GDPD4: variants seen among roughly 807,000 people sequenced by gnomAD.
GDPD4 encodes glycerophosphodiester phosphodiesterase domain containing 4, also known as glycerophosphodiester phosphodiesterase 6.
A neutral mutation model predicts 67.8 loss-of-function variants in GDPD4; 60 were observed. The ratio of observed to expected loss-of-function variants is 0.88; its 90% CI spans 0.72 to 1.10. The LOEUF is 1.10. Ranked by LOEUF, GDPD4 falls within the 50% of genes least tolerant of loss-of-function variation. The pLI is 0.00. For synonymous variants in GDPD4, 212 were observed against 210.9 expected (o/e 1.00, Z -0.04); for missense variants, 623 against 613.9 (o/e 1.01, Z -0.16).
chr11:77,278,898 G>C (rs902940727), intron 4 of GDPD4, among the ~76,000 whole-genome samples: 5 of 152,200 alleles, frequency 3.3e-5, no homozygotes, highest in Non-Finnish European at 5.9e-5. Context: ...AATTTAACAA[G>C]TAAGCAAATT....
rs1432150160 is a variant in GDPD4, at chr11:77,279,418, C to G, written c.54-19G>C. The stretch of plus-strand genomic sequence containing the variant: ...AGTGACCCTGAAAAAAAATGTGTTT[C>G]AGTTCTTAAAATAATGCAGAAATCA... On this transcript the variant is annotated intron_variant, in intron 3 of 16. Coordinates refer to ENST00000315938, the MANE Select transcript of GDPD4 (RefSeq NM_182833.3). 1 of 1,491,798 alleles carries G rather than the reference C, an allele frequency of 6.7e-7. No individual in the cohort carries two copies. Among genetic ancestry groups the G allele is most frequent in the Non-Finnish European group, 9.4e-7 (1 of 1,069,258 alleles). 92.4% of individuals were successfully genotyped at this position (1,491,798 alleles called of 1,614,324 possible). A position where few individuals can be genotyped will look rare whatever the true frequency, so the allele number is the denominator to read the frequency against.
intron 1 of GDPD4, among the ~76,000 whole-genome samples, chr11:77,299,851 G>A (rs1307132237): frequency 6.6e-6 from 1 of 152,158 alleles, no homozygotes; most frequent in Non-Finnish European, 1.5e-5. Flanking sequence ...TGTAACTAAG[G>A]GAAGGGTGAA....
At chr11:77,235,773 G>C (rs560958754) in intron 13 of GDPD4, among the ~76,000 whole-genome samples, 26 of 152,256 alleles carry the variant, frequency 1.7e-4, no homozygotes, top group African/African-American at 6.3e-4. Context: ...TGGCAACACA[G>C]TGAGACCCTG....
chr11:77,242,879 T>A (rs370679474), intron 13 of GDPD4, among the ~76,000 whole-genome samples: 1 of 152,094 alleles, frequency 6.6e-6, no homozygotes, highest in Admixed American at 6.5e-5. Context: ...AACAGATGCA[T>A]GCAACAGCCT....
chr11:77,249,990 A>T lies in GDPD4; in HGVS notation c.865-4488T>A, dbSNP rs114942491. On this transcript the variant is annotated intron_variant, in intron 11 of 16. Transcript: ENST00000315938. ...TATATTTGTACAGTTTTTAAAAAGT[A>T]TAACATCTTATTTGTAAAAAGCTTA... is the stretch of plus-strand genomic sequence containing the variant. 3.4e-3 allele frequency among the ~76,000 whole-genome samples: 522 copies of T among 152,364 alleles called. 5 individuals carry two copies. Among genetic ancestry groups the T allele is most frequent in the African/African-American group, 0.012 (485 of 41,592 alleles).
chr11:77,229,367 T>C (rs907795060), intron 14 of GDPD4, 135 bp from the exon 15 acceptor site: 9 of 588,944 alleles, frequency 1.5e-5, no homozygotes, highest in East Asian at 5.7e-5. Context: ...GGAACCTTGA[T>C]TGATGTGGCA....
intron 13 of GDPD4, among the ~76,000 whole-genome samples, chr11:77,239,522 T>TA (rs1471675046): frequency 2.0e-5 from 3 of 152,216 alleles, no homozygotes; most frequent in Non-Finnish European, 4.4e-5. Flanking sequence ...CAAAAACCAG[T>TA]AGCATTTCTT....
intron 7 of GDPD4, 147 bp from the exon 8 acceptor site, chr11:77,270,107 T>C (rs1959201542): frequency 1.9e-6 from 1 of 532,298 alleles, no homozygotes; most frequent in Non-Finnish European, 3.3e-6. Context: ...AGTCTTTCTC[T>C]TGCCTGCATA....
chr11:77,285,404 A>G (rs1176018945), intron 2 of GDPD4, among the ~76,000 whole-genome samples: 1 of 152,178 alleles, frequency 6.6e-6, no homozygotes, highest in East Asian at 1.9e-4. Flanking sequence ...TTTATGTTTT[A>G]TCTGATGCTA....
At chr11:77,248,937 G>C (rs1432146915) in intron 11 of GDPD4, among the ~76,000 whole-genome samples, 1 of 146,942 alleles carries the variant, frequency 6.8e-6, no homozygotes, top group Non-Finnish European at 1.5e-5. Context: ...ATGTTAGCTA[G>C]GCTGGTCTCG....
At chr11:77,290,884 T>G (rs755736719) in intron 1 of GDPD4, among the ~76,000 whole-genome samples, 1 of 152,098 alleles carries the variant, frequency 6.6e-6, no homozygotes, top group Non-Finnish European at 1.5e-5. Flanking sequence ...ATAAAGAAGC[T>G]GGCAAAGATA....
rs148990215 is a variant in GDPD4 at position 77,279,420 on chromosome 11, G to C, written c.54-21C>G. On this transcript the variant is annotated intron_variant, in intron 3 of 16. Coordinates refer to ENST00000315938, the MANE Select transcript of GDPD4 (RefSeq NM_182833.3). ...TGACCCTGAAAAAAAATGTGTTTCAGTTCTTAAAATAATGCAGAAATCAGT... is the reference window on the plus strand; with the variant it reads ...TGACCCTGAAAAAAAATGTGTTTCACTTCTTAAAATAATGCAGAAATCAGT... 159 of 1,472,296 alleles carry C rather than the reference G, an allele frequency of 1.1e-4. 1 individual carries two copies. The African/African-American group carries it at 1.9e-3, about 18-fold the overall frequency. 91.2% of individuals were successfully genotyped at this position (1,472,296 alleles called of 1,614,324 possible). A position where few individuals can be genotyped will look rare whatever the true frequency, so the allele number is the denominator to read the frequency against.
At position 77,279,402 on chromosome 11, in the gene GDPD4, G is replaced by A. The variant is rs1565540144; in HGVS notation, c.54-3C>T. The stretch of plus-strand genomic sequence containing the variant: ...ATCCTGTTCCTAGAAAAGTGACCCT[G>A]AAAAAAAATGTGTTTCAGTTCTTAA... On this transcript the variant is annotated splice_region_variant and splice_polypyrimidine_tract_variant and intron_variant, in intron 3 of 16. Coordinates refer to ENST00000315938, the MANE Select transcript of GDPD4 (RefSeq NM_182833.3). 2 of 1,576,014 alleles carry A rather than the reference G, an allele frequency of 1.3e-6. No individual in the cohort carries two copies. The highest frequency in any genetic ancestry group is 1.7e-5 in the Admixed American group (1 of 58,976).
intron 3 of GDPD4, among the ~76,000 whole-genome samples, chr11:77,280,425 T>TAA (rs35301998): frequency 1.1e-4 from 16 of 147,694 alleles, no homozygotes; most frequent in Non-Finnish European, 1.2e-4. Context: ...TTTTCGAAAT[T>TAA]AAAAAAAAAA....
chr11:77,258,538 C>A lies in GDPD4; in HGVS notation c.712G>T (p.Asp238Tyr), dbSNP rs1163854133. Residue 238 changes from aspartate (D) to tyrosine (Y), a missense_variant, in exon 11 of 17, where the codon GAT becomes TAT. Transcript: ENST00000315938. The part of the protein sequence containing the change: ...GLETDIHLSY[D>Y]HVPFLMHDFD... Reference sequence around the variant, plus strand: ...TCATGCATGAGGAAAGGCACATGATCATAACTGAGGCAGAGGTAGAAAAGA... The same window carrying A: ...TCATGCATGAGGAAAGGCACATGATAATAACTGAGGCAGAGGTAGAAAAGA... The A allele has an allele frequency of 1.2e-6, 2 of 1,613,672 alleles. No individual in the cohort carries two copies. Among genetic ancestry groups the A allele is most frequent in the South Asian group, 1.1e-5 (1 of 91,046 alleles).
At chr11:77,246,841 C>T (rs1958793294) in intron 11 of GDPD4, among the ~76,000 whole-genome samples, 1 of 152,138 alleles carries the variant, frequency 6.6e-6, no homozygotes, top group Non-Finnish European at 1.5e-5. Flanking sequence ...GGAGAACACA[C>T]ATATGTTTGC....
intron 11 of GDPD4, among the ~76,000 whole-genome samples, chr11:77,255,945 T>C (rs1020108946): frequency 6.6e-6 from 1 of 152,192 alleles, no homozygotes; most frequent in African/African-American, 2.4e-5. Context: ...ATTAAATGTT[T>C]CTGAATGTAC....
chr11:77,246,643 G>C (rs1056053666), intron 11 of GDPD4, among the ~76,000 whole-genome samples: 1 of 152,116 alleles, frequency 6.6e-6, no homozygotes, highest in Non-Finnish European at 1.5e-5. Context: ...TATTTCTTAG[G>C]ATTATTTTGA....
intron 1 of GDPD4, among the ~76,000 whole-genome samples, chr11:77,292,639 T>C (rs968375783): frequency 3.3e-5 from 5 of 151,656 alleles, no homozygotes; most frequent in African/African-American, 1.2e-4. Context: ...GGAAAAAAAA[T>C]CAATGAAATC....
Sources: gnomAD v4.1 joint callset for allele counts (sites outside exome capture counted in the v4.1 genomes callset) on GRCh38, gnomAD v4.1.1 for gene constraint, MANE v1.5 for transcripts, NCBI Gene and HGNC (gene_info 2026-07-23, HGNC 2026-07-21) for gene names.